The following PGM3 variants were observed in gnomAD, a reference collection of about 807,000 sequenced individuals.
PGM3 encodes the protein phosphoglucomutase 3.
PGM3 carries 40 observed loss-of-function variants against 66.2 expected under a neutral mutation model. The ratio of observed to expected loss-of-function variants is 0.60; its 90% confidence interval spans 0.47 to 0.79. PGM3 has a LOEUF of 0.79. Ranked by LOEUF, PGM3 falls within the 30% of genes least tolerant of loss-of-function variation. The pLI is 0.00. For synonymous variants in PGM3, 191 were observed against 224.2 expected (o/e 0.85, Z 1.32); for missense variants, 537 against 643.4 (o/e 0.83, Z 1.79).
downstream of PGM3, among the ~76,000 whole-genome samples, chr6:83,160,779 T>TA: frequency 6.6e-6 from 1 of 152,280 alleles, no homozygotes; most frequent in South Asian, 2.1e-4. Context: ...ATTTATTATA[T>TA]TGTGTCTTAT....
chr6:83,161,584 T>C (rs1274217302), downstream of PGM3, among the ~76,000 whole-genome samples: 1 of 152,176 alleles, frequency 6.6e-6, no homozygotes, highest in African/African-American at 2.4e-5. Flanking sequence ...GTTAATAATT[T>C]ATAGGATGGT....
intron 6 of PGM3, among the ~76,000 whole-genome samples, chr6:83,180,796 A>G (rs1393336421): frequency 1.3e-5 from 2 of 152,216 alleles, no homozygotes; most frequent in African/African-American, 4.8e-5. Flanking sequence ...AAATTGGTTG[A>G]CTACACTGAC....
chr6:83,171,933 A>C lies in PGM3; in HGVS notation c.1365+4T>G, dbSNP rs1787238307. The C allele has an allele frequency of 6.2e-7, 1 of 1,609,820 alleles. No homozygotes were observed. The highest frequency in any genetic ancestry group is 1.3e-5 in the African/African-American group (1 of 74,772). ...AAAAAGTTACTTTAAAGTTTCTCTC[A>C]CACCTGAACTTTAAGTTGTCTGTTT... On this transcript the variant is annotated splice_donor_region_variant and intron_variant, in intron 11 of 12. Coordinates refer to ENST00000513973, the MANE Select transcript of PGM3 (RefSeq NM_015599.3).
rs997184836 is a variant in PGM3, at chr6:83,165,224, T to C, written c.*4010A>G. On this transcript the variant is annotated 3_prime_UTR_variant, in exon 13 of 13. Coordinates refer to ENST00000513973, the MANE Select transcript of PGM3 (RefSeq NM_015599.3). ...GTGAAAGTCAGTCACAGGACTCTCATTGGTGCCAGTGTCATAGTTAAGAAA... is the reference window on the plus strand; with the variant it reads ...GTGAAAGTCAGTCACAGGACTCTCACTGGTGCCAGTGTCATAGTTAAGAAA... 1 of 152,944 alleles carries C rather than the reference T, an allele frequency of 6.5e-6. No individual in the cohort carries two copies. The highest frequency in any genetic ancestry group is 6.5e-5 in the Admixed American group (1 of 15,368). The allele number at this position is 152,944 out of a possible 1,614,324, so 9.5% of individuals were successfully genotyped here. A position where few individuals can be genotyped will look rare whatever the true frequency, so the allele number is the denominator to read the frequency against.
chr6:83,167,500 T>C lies in PGM3; in HGVS notation c.*1734A>G. On this transcript the variant is annotated 3_prime_UTR_variant, in exon 13 of 13. Transcript: ENST00000513973. ...TTTTTTCTGTAGTAATTTTGTGACC[T>C]AGTCCTTGGTTACAGTAGTGAGGGT... 9.9e-7 allele frequency: 1 copy of C among 1,005,256 alleles called. No homozygotes were observed. Among genetic ancestry groups the C allele is most frequent in the Non-Finnish European group, 1.2e-6 (1 of 843,332 alleles). 62.3% of individuals were successfully genotyped at this position (1,005,256 alleles called of 1,614,324 possible).
At chr6:83,154,296 C>T in the PGM3 span, 1 of 1,503,774 alleles carries the variant, frequency 6.6e-7, no homozygotes, top group Admixed American at 1.7e-5. Flanking sequence ...TTCCTTCTTA[C>T]TATTTACTTG....
Position 83,168,265 on chromosome 6 carries a change from C to A in PGM3, c.*969G>T. 6.9e-7 allele frequency: 1 copy of A among 1,456,518 alleles called. No individual in the cohort carries two copies. The highest frequency in any genetic ancestry group is 2.5e-5 in the East Asian group (1 of 40,632). 90.2% of individuals were successfully genotyped at this position (1,456,518 alleles called of 1,614,324 possible). ...ATAGTTTTTCCTTTTTTGTATGTAA[C>A]AGAACACATTTCAGATTGTATTTAA... is the stretch of plus-strand genomic sequence containing the variant. On this transcript the variant is annotated 3_prime_UTR_variant, in exon 13 of 13. Transcript: ENST00000513973.
At position 83,168,886 on chromosome 6, in the gene PGM3, G is replaced by A. The variant is rs1058807; in HGVS notation, c.*348C>T. 0.019 allele frequency: 20,253 copies of A among 1,057,016 alleles called. 215 individuals are homozygous for A. Among genetic ancestry groups the A allele is most frequent in the African/African-American group, 0.036 (2,192 of 60,310 alleles). The allele number at this position is 1,057,016 out of a possible 1,614,324, so 65.5% of individuals were successfully genotyped here. A position where few individuals can be genotyped will look rare whatever the true frequency, so the allele number is the denominator to read the frequency against. ...AACATCATCTTGCTCATGTGATGGT[G>A]ATGGCAAAGATATCACAAGGAGTTG... On this transcript the variant is annotated 3_prime_UTR_variant, in exon 13 of 13. Transcript: ENST00000513973.
intron 2 of PGM3, among the ~76,000 whole-genome samples, chr6:83,189,088 G>A (rs1393742790): frequency 6.6e-6 from 1 of 152,128 alleles, no homozygotes. Flanking sequence ...TGATCATACA[G>A]CTAACAAATG....
chr6:83,172,469 G>C (rs1016292676), intron 10 of PGM3, among the ~76,000 whole-genome samples: 28 of 151,946 alleles, frequency 1.8e-4, no homozygotes, highest in African/African-American at 6.8e-4. Context: ...AACCAGCCTG[G>C]CCAACATGGT....
chr6:83,157,438 T>G, downstream of PGM3: 1 of 1,040,948 alleles, frequency 9.6e-7, no homozygotes, highest in Non-Finnish European at 1.4e-6. Context: ...TTAAACCAGT[T>G]ACTGATGCTT....
At chr6:83,164,493 AAAT>A (rs1373284354), downstream of PGM3, among the ~76,000 whole-genome samples, 13 of 152,216 alleles carry the variant, frequency 8.5e-5, no homozygotes, top group Admixed American at 5.9e-4. Context: ...TCCTTTATCT[AAAT>A]AATAAATATG....
intron 3 of PGM3, chr6:83,188,409 G>C (rs1788762137): frequency 2.1e-6 from 1 of 472,698 alleles, no homozygotes; most frequent in Non-Finnish European, 3.8e-6. Context: ...TTTGGAGTAG[G>C]GTTTTAAACC....
Position 83,172,139 on chromosome 6 carries a change from A to G in PGM3, c.1243-80T>C, listed in dbSNP as rs188895076. On this transcript the variant is annotated intron_variant, in intron 10 of 12. Transcript: ENST00000513973. ...ATGGATGTTTTTTCTTAGAAAACCA[A>G]TCACAGTACAGGTTGAACAACCTGA... is the stretch of plus-strand genomic sequence containing the variant. 1.7e-4 allele frequency: 245 copies of G among 1,418,842 alleles called. No individual in the cohort carries two copies. The African/African-American group carries it at 2.5e-3, about 14-fold the overall frequency. The allele number at this position is 1,418,842 out of a possible 1,614,324, so 87.9% of individuals were successfully genotyped here.
At position 83,182,992 on chromosome 6, in the gene PGM3, A is replaced by G. The variant is rs1339684418; in HGVS notation, c.458-14T>C. ...ACAAGCCATAATCTGTCATAGAAAT[A>G]CAAAAAGCAATTCACCGCATTTCTT... On this transcript the variant is annotated splice_polypyrimidine_tract_variant and intron_variant, in intron 4 of 12. Coordinates refer to ENST00000513973, the MANE Select transcript of PGM3 (RefSeq NM_015599.3). The G allele has an allele frequency of 2.5e-6, 4 of 1,606,922 alleles. No homozygotes were observed. The East Asian group carries it at 6.7e-5, about 27-fold the overall frequency.
chr6:83,151,820 C>T, the PGM3 span: 2 of 1,519,582 alleles, frequency 1.3e-6, no homozygotes, highest in Non-Finnish European at 1.8e-6. Context: ...ATATAAACTA[C>T]AGAAGTTCAT....
chr6:83,188,873 T>C, intron 2 of PGM3, 75 bp from the exon 3 acceptor site: 1 of 1,269,086 alleles, frequency 7.9e-7, no homozygotes, highest in East Asian at 2.4e-5. Context: ...TCAAAAGCTG[T>C]TTCCCTTCAA....
chr6:83,162,015 A>G (rs1482998656), downstream of PGM3, among the ~76,000 whole-genome samples: 1 of 152,202 alleles, frequency 6.6e-6, no homozygotes, highest in Non-Finnish European at 1.5e-5. Flanking sequence ...TATGTAATTT[A>G]TATCAAATAA....
At chr6:83,162,379 G>A (rs1454847265), downstream of PGM3, among the ~76,000 whole-genome samples, 1 of 152,134 alleles carries the variant, frequency 6.6e-6, no homozygotes, top group Non-Finnish European at 1.5e-5. Context: ...CATTTGGCCA[G>A]TTATATGTTG....
Sources: gnomAD v4.1 joint callset for allele counts (sites outside exome capture counted in the v4.1 genomes callset) on GRCh38, gnomAD v4.1.1 for gene constraint, MANE v1.5 for transcripts, NCBI Gene and HGNC (gene_info 2026-07-23, HGNC 2026-07-21) for gene names.